The following EIF4G3 variants were observed in gnomAD, a reference collection of about 807,000 sequenced individuals.
EIF4G3 encodes eIF-4-gamma 3.
In EIF4G3, 34 loss-of-function variants were observed where a neutral mutation model predicts 186.4. The observed-to-expected ratio is 0.18, with a 90% CI of 0.14 to 0.24. The LOEUF (loss-of-function observed/expected upper bound fraction) is 0.24, where lower values mean the gene tolerates loss of function less well. EIF4G3 is among the 10% of genes least tolerant of loss of function. The pLI is 1.00. For missense variants in EIF4G3, 1,536 were observed against 1,948.5 expected, an observed-to-expected ratio of 0.79 and a Z score of 3.99; for synonymous variants, 673 against 679.5, an observed-to-expected ratio of 0.99 and a Z score of 0.15.
chr1:21,153,860 C>T (rs962070525), intron 2 of EIF4G3, among the ~76,000 whole-genome samples: 1 of 152,020 alleles, frequency 6.6e-6, no homozygotes, highest in South Asian at 2.1e-4. Flanking sequence ...CCACCGAGAC[C>T]GGCCAAGAAG....
chr1:20,904,111 C>T (rs1196979610), intron 15 of EIF4G3, among the ~76,000 whole-genome samples: 1 of 152,204 alleles, frequency 6.6e-6, no homozygotes, highest in East Asian at 1.9e-4. Flanking sequence ...AGCAAAATCT[C>T]GCATGGCTTA....
intron 2 of EIF4G3, among the ~76,000 whole-genome samples, chr1:21,124,963 T>G (rs896446236): frequency 6.6e-6 from 1 of 152,178 alleles, no homozygotes; most frequent in African/African-American, 2.4e-5. Context: ...CCAGTTCAAT[T>G]AACTGTTTCA....
chr1:21,049,410 A>T (rs941780658), intron 4 of EIF4G3, among the ~76,000 whole-genome samples: 1 of 152,150 alleles, frequency 6.6e-6, no homozygotes, highest in Non-Finnish European at 1.5e-5. Context: ...ACACCTTAAT[A>T]GTAAGTTGAG....
chr1:20,904,893 G>T lies in EIF4G3; in HGVS notation c.1742C>A (p.Ala581Glu). Residue 581 changes from alanine to glutamate, a missense_variant, in exon 15 of 37, where the codon GCA (alanine) becomes GAA (glutamate). Ala to Glu is a moderately radical substitution (Grantham distance 107, BLOSUM62 -1). This residue lies in a region of EIF4G3 where 560 missense variants were observed against 547.8 expected (regional missense o/e 1.02). Coordinates refer to ENST00000602326, the MANE Select transcript of EIF4G3 (RefSeq NM_001391906.1). ...RTRTTEEMLE[A>E]ELELKAEEEL... ...AAGAGATTTGCTTACCTCCAATTCT[G>T]CCTCTAACATCTCTTCAGTGGTTCG... The T allele has an allele frequency of 6.2e-7, 1 of 1,613,270 alleles. No homozygotes were observed. The highest frequency in any genetic ancestry group is 8.5e-7 in the Non-Finnish European group (1 of 1,179,444).
chr1:20,834,302 T>C (rs1257977941), intron 30 of EIF4G3, among the ~76,000 whole-genome samples: 1 of 151,894 alleles, frequency 6.6e-6, no homozygotes, highest in African/African-American at 2.4e-5. Context: ...ATAAAAAAAA[T>C]TAGCCAGGCA....
intron 2 of EIF4G3, among the ~76,000 whole-genome samples, chr1:21,166,254 TC>T (rs2097853850): frequency 1.9e-5 from 2 of 105,982 alleles, no homozygotes; most frequent in South Asian, 7.1e-4. Flanking sequence ...AACTGAGATC[TC>T]TAAAAAAAAA....
chr1:21,060,782 GAAAAAAAAAAAAA>G (rs34598369), intron 3 of EIF4G3, among the ~76,000 whole-genome samples: 1 of 117,350 alleles, frequency 8.5e-6, no homozygotes, highest in Non-Finnish European at 1.7e-5. Flanking sequence ...TGTCTCTTAA[GAAAAAAAAAAAAA>G]AAAAAAAAAC....
intron 14 of EIF4G3, among the ~76,000 whole-genome samples, chr1:20,933,968 G>A (rs1255447466): frequency 6.6e-6 from 1 of 152,184 alleles, no homozygotes; most frequent in African/African-American, 2.4e-5. Flanking sequence ...CCAAAATGTG[G>A]GGATTACAGG....
intron 23 of EIF4G3, among the ~76,000 whole-genome samples, chr1:20,860,810 C>T (rs1252771892): frequency 6.6e-6 from 1 of 152,068 alleles, no homozygotes; most frequent in Non-Finnish European, 1.5e-5. Context: ...TTAAGCATGG[C>T]ATATATTTCT....
chr1:20,959,668 AATAATAATAAT>A (rs1438902344), intron 12 of EIF4G3, among the ~76,000 whole-genome samples: 1 of 137,918 alleles, frequency 7.3e-6, no homozygotes, highest in African/African-American at 3.2e-5. Flanking sequence ...TAATAATAAT[AATAATAATAAT>A]AATAATAATA....
At chr1:20,943,672 T>C (rs965268321) in intron 13 of EIF4G3, among the ~76,000 whole-genome samples, 6 of 152,218 alleles carry the variant, frequency 3.9e-5, no homozygotes, top group African/African-American at 1.4e-4. Context: ...TTTTTATACA[T>C]CAATGAAAGT....
intron 24 of EIF4G3, among the ~76,000 whole-genome samples, chr1:20,859,637 T>C (rs2075899257): frequency 6.6e-6 from 1 of 152,266 alleles, no homozygotes; most frequent in African/African-American, 2.4e-5. Context: ...TCTCACTCTG[T>C]TCCCCAGGCT....
At chr1:20,984,840 G>A (rs1399153417) in intron 7 of EIF4G3, among the ~76,000 whole-genome samples, 3 of 151,852 alleles carry the variant, frequency 2.0e-5, no homozygotes, top group Non-Finnish European at 4.4e-5. Context: ...CGCCCGCCTC[G>A]GCCTCCCAAA....
chr1:20,951,119 G>A (rs2096200423), intron 12 of EIF4G3, among the ~76,000 whole-genome samples: 1 of 151,762 alleles, frequency 6.6e-6, no homozygotes, highest in Non-Finnish European at 1.5e-5. Flanking sequence ...AGATGTGGGT[G>A]AGTGTGGGCA....
At chr1:21,117,651 A>G (rs1304252356) in intron 2 of EIF4G3, among the ~76,000 whole-genome samples, 1 of 149,184 alleles carries the variant, frequency 6.7e-6, no homozygotes, top group African/African-American at 2.5e-5. Context: ...AAAGCCCTGT[A>G]CACTGGGTAT....
At chr1:21,094,596 G>A (rs2096301759) in intron 2 of EIF4G3, among the ~76,000 whole-genome samples, 1 of 137,932 alleles carries the variant, frequency 7.2e-6, no homozygotes, top group Non-Finnish European at 1.6e-5. Context: ...ACAGGAAAGG[G>A]AACATCACAC....
chr1:20,946,864 G>A (rs1217041116), intron 13 of EIF4G3, among the ~76,000 whole-genome samples: 1 of 151,870 alleles, frequency 6.6e-6, no homozygotes, highest in East Asian at 1.9e-4. Context: ...CAAGCAGGAG[G>A]GAGACTTTAG....
At chr1:20,895,043 A>C (rs748311909) in intron 17 of EIF4G3, among the ~76,000 whole-genome samples, 5 of 152,170 alleles carry the variant, frequency 3.3e-5, no homozygotes, top group Non-Finnish European at 7.3e-5. Context: ...ACAATGAGGA[A>C]AGACCTCCGT....
At chr1:20,844,264 A>G (rs903590549) in intron 29 of EIF4G3, among the ~76,000 whole-genome samples, 1 of 152,178 alleles carries the variant, frequency 6.6e-6, no homozygotes, top group African/African-American at 2.4e-5. Flanking sequence ...TTTACCCTCC[A>G]ACAGTGTAAA....
Sources: gnomAD v4.1 joint callset for allele counts (sites outside exome capture counted in the v4.1 genomes callset) on GRCh38, gnomAD v4.1.1 for gene constraint, gnomAD v4.1.1 regional missense constraint, MANE v1.5 for transcripts, NCBI Gene and HGNC (gene_info 2026-07-23, HGNC 2026-07-21) for gene names.